The following ACTR3 variants were observed in gnomAD, a reference collection of about 807,000 sequenced individuals.
ACTR3 encodes actin related protein 3, also known as actin-related protein 3.
Under a neutral mutation model 56.8 loss-of-function variants are expected in ACTR3, and 12 were observed. The observed-to-expected ratio is 0.21, with a 90% CI of 0.14 to 0.34. The LOEUF is 0.34. Ranked by LOEUF, ACTR3 falls within the 10% of genes least tolerant of loss-of-function variation. The pLI is 1.00. For missense variants in ACTR3, 282 were observed against 512.5 expected, an observed-to-expected ratio of 0.55 and a Z score of 4.34; for synonymous variants, 162 against 167.4, an observed-to-expected ratio of 0.97 and a Z score of 0.25.
intron 3 of ACTR3, among the ~76,000 whole-genome samples, chr2:113,919,964 C>T (rs546837917): frequency 2.4e-4 from 37 of 152,280 alleles, no homozygotes; most frequent in African/African-American, 8.4e-4. Flanking sequence ...TGCTCTGTCT[C>T]CCAGGCTGGA....
intron 9 of ACTR3, 26 bp downstream of exon 9, chr2:113,951,597 A>C: frequency 6.3e-7 from 1 of 1,586,182 alleles, no homozygotes. Context: ...TTGTTATTCA[A>C]GGTCTTACTT....
At chr2:113,927,479 C>G (rs1482657379) in intron 4 of ACTR3, 24 bp downstream of exon 4, 5 of 1,499,636 alleles carry the variant, frequency 3.3e-6, no homozygotes, top group African/African-American at 2.8e-5. Context: ...TATAATTTCA[C>G]TGAGGAAATT....
intron 10 of ACTR3, chr2:113,954,138 A>G (rs1006623015): frequency 1.3e-5 from 2 of 152,182 alleles, no homozygotes; most frequent in Non-Finnish European, 2.9e-5. Flanking sequence ...TTTTTAGTGC[A>G]TTGTATCAGT....
chr2:113,912,370 A>G (rs1472864482), intron 1 of ACTR3, among the ~76,000 whole-genome samples: 4 of 152,066 alleles, frequency 2.6e-5, no homozygotes, highest in Non-Finnish European at 4.4e-5. Context: ...ATGCCCCACT[A>G]TCTCCTAAGT....
Position 113,890,198 on chromosome 2 carries a change from G to A in ACTR3, c.-82G>A. 2.0e-6 allele frequency: 3 copies of A among 1,536,116 alleles called. No individual in the cohort carries two copies. Among genetic ancestry groups the A allele is most frequent in the South Asian group, 2.4e-5 (2 of 83,732 alleles). Reference sequence around the variant, plus strand: ...CGGCCCAGCTGTGGATGGTCAGATAGCCCTTGTCTCCCGCCGCCAATCTCT... The same window carrying A: ...CGGCCCAGCTGTGGATGGTCAGATAACCCTTGTCTCCCGCCGCCAATCTCT... On this transcript the variant is annotated 5_prime_UTR_variant, in exon 1 of 12. It removes the in-frame stop codon of an upstream open reading frame in the 5' UTR. Transcript: ENST00000263238.
At chr2:113,897,359 A>T (rs1404701242) in intron 1 of ACTR3, among the ~76,000 whole-genome samples, 2 of 152,096 alleles carry the variant, frequency 1.3e-5, no homozygotes, top group Non-Finnish European at 2.9e-5. Flanking sequence ...AAGAAAAAAA[A>T]TTCTAGTTTT....
At chr2:113,918,386 CTTTT>C (rs59646022) in intron 3 of ACTR3, among the ~76,000 whole-genome samples, 1 of 137,702 alleles carries the variant, frequency 7.3e-6, no homozygotes, top group Admixed American at 7.3e-5. Context: ...TCTTTTCTTT[CTTTT>C]TTTTTTTTTT....
chr2:113,949,957 A>G (rs934281753), intron 8 of ACTR3, among the ~76,000 whole-genome samples: 1 of 152,176 alleles, frequency 6.6e-6, no homozygotes, highest in Admixed American at 6.5e-5. Flanking sequence ...TATTTTGACT[A>G]TGGTATATCA....
At chr2:113,938,809 G>T (rs1422946970) in intron 6 of ACTR3, among the ~76,000 whole-genome samples, 6 of 152,066 alleles carry the variant, frequency 3.9e-5, no homozygotes, top group African/African-American at 1.4e-4. Context: ...CAATAATTTG[G>T]CCTACAAACT....
In ACTR3 at chr2:113,903,012, C is replaced by T. The variant is rs77034876; in HGVS notation, c.45-10160C>T. Among the ~76,000 whole-genome samples the T allele has an allele frequency of 1.4e-4, 21 of 152,298 alleles. No homozygotes were observed. The East Asian group carries it at 3.7e-3, about 27-fold the overall frequency. On this transcript the variant is annotated intron_variant, in intron 1 of 11. Coordinates refer to ENST00000263238, the MANE Select transcript of ACTR3 (RefSeq NM_005721.5). Reference sequence around the variant, plus strand: ...TTTTTTGTGTGATGACACTTAAGATCGCCTTTAGGCAAATTTCAACTGTAA... The same window carrying T: ...TTTTTTGTGTGATGACACTTAAGATTGCCTTTAGGCAAATTTCAACTGTAA...
At chr2:113,911,419 CTTTT>C (rs34495665) in intron 1 of ACTR3, among the ~76,000 whole-genome samples, 2 of 117,846 alleles carry the variant, frequency 1.7e-5, no homozygotes, top group African/African-American at 3.4e-5. Context: ...ATTTGGCACA[CTTTT>C]TTTTTTTTTT....
intron 1 of ACTR3, among the ~76,000 whole-genome samples, chr2:113,908,422 G>A (rs577464468): frequency 3.2e-4 from 49 of 151,448 alleles, no homozygotes; most frequent in Middle Eastern, 6.8e-3. Flanking sequence ...GTTAATGGAG[G>A]CTAGTTTACA....
At chr2:113,907,621 T>C (rs1170258980) in intron 1 of ACTR3, among the ~76,000 whole-genome samples, 3 of 152,088 alleles carry the variant, frequency 2.0e-5, no homozygotes, top group Non-Finnish European at 4.4e-5. Flanking sequence ...AAAAATAAAT[T>C]ATACTGATAG....
chr2:113,890,478 A>G lies in ACTR3; in HGVS notation c.44+155A>G, dbSNP rs927787175. 5 of 1,284,378 alleles carry G rather than the reference A, an allele frequency of 3.9e-6. No homozygotes were observed. In the African/African-American group the frequency reaches 6.2e-5, roughly 16 times the overall value. 79.6% of individuals were successfully genotyped at this position (1,284,378 alleles called of 1,614,324 possible). ...CCAGCGAGGGGTGGGGCCCGCAGCCAGGGCCTCGCGGGTCCCCTCGTTTCT... is the reference window on the plus strand; with the variant it reads ...CCAGCGAGGGGTGGGGCCCGCAGCCGGGGCCTCGCGGGTCCCCTCGTTTCT... On this transcript the variant is annotated intron_variant, in intron 1 of 11. Coordinates refer to ENST00000263238, the MANE Select transcript of ACTR3 (RefSeq NM_005721.5).
intron 3 of ACTR3, among the ~76,000 whole-genome samples, chr2:113,921,819 G>T (rs1344675382): frequency 6.6e-6 from 1 of 152,180 alleles, no homozygotes; most frequent in Non-Finnish European, 1.5e-5. Context: ...ACAAGGCAGA[G>T]CTGGAGACAG....
chr2:113,941,751 T>G (rs1422679323), intron 7 of ACTR3, among the ~76,000 whole-genome samples: 1 of 152,136 alleles, frequency 6.6e-6, no homozygotes, highest in African/African-American at 2.4e-5. Context: ...CCGTAATCAG[T>G]TTTGTTTCAG....
At chr2:113,907,973 C>T (rs1236632859) in intron 1 of ACTR3, among the ~76,000 whole-genome samples, 1 of 93,358 alleles carries the variant, frequency 1.1e-5, no homozygotes, top group Non-Finnish European at 1.9e-5. Context: ...AAACTCTGTC[C>T]CCCAAAAAAA....
At chr2:113,911,586 A>G (rs539253735) in intron 1 of ACTR3, among the ~76,000 whole-genome samples, 15 of 151,576 alleles carry the variant, frequency 9.9e-5, no homozygotes, top group Non-Finnish European at 2.1e-4. Flanking sequence ...CACCCTGCTA[A>G]TTTTTGTATT....
chr2:113,957,243 A>C (rs1250618024), intron 11 of ACTR3, 117 bp from the exon 12 acceptor site: 3 of 669,860 alleles, frequency 4.5e-6, no homozygotes, highest in Non-Finnish European at 7.6e-6. Flanking sequence ...ATGGACTAAT[A>C]ATAAACATTT....
Sources: allele counts gnomAD v4.1 joint callset (sites outside exome capture counted in the v4.1 genomes callset), GRCh38; gene constraint gnomAD v4.1.1; transcripts MANE v1.5; gene names NCBI Gene and HGNC (gene_info 2026-07-23, HGNC 2026-07-21).